AGBL4: variants seen among roughly 807,000 people sequenced by gnomAD.
AGBL4 encodes AGBL carboxypeptidase 4, also known as cytosolic carboxypeptidase 6.
A neutral mutation model predicts 66.4 loss-of-function variants in AGBL4; 58 were observed. The ratio of observed to expected loss-of-function variants is 0.87; its 90% CI spans 0.71 to 1.09. The LOEUF is 1.09. Among genes scored for constraint, AGBL4 ranks in the 50% least tolerant of loss-of-function variants. The probability of loss-of-function intolerance (pLI) is 0.00; values close to 1 mark genes in which losing one functional copy is unlikely to be tolerated. For synonymous variants in AGBL4, 234 were observed against 222.9 expected, an observed-to-expected ratio of 1.05 and a Z score of -0.44; for missense variants, 579 against 631.0, an observed-to-expected ratio of 0.92 and a Z score of 0.88.
intron 6 of AGBL4, among the ~76,000 whole-genome samples, chr1:48,837,163 G>A (rs1377116075): frequency 6.6e-6 from 1 of 151,752 alleles, no homozygotes; most frequent in Non-Finnish European, 1.5e-5. Flanking sequence ...TGAGGAAAGC[G>A]ATTTTCAATA....
At chr1:49,283,102 T>C (rs1427871522) in intron 3 of AGBL4, among the ~76,000 whole-genome samples, 1 of 152,226 alleles carries the variant, frequency 6.6e-6, no homozygotes, top group Non-Finnish European at 1.5e-5. Flanking sequence ...CACTAACCTC[T>C]GCAGACTTAA....
At chr1:49,948,559 AT>A (rs1224358719) in intron 1 of AGBL4, among the ~76,000 whole-genome samples, 2 of 116,784 alleles carry the variant, frequency 1.7e-5, no homozygotes, top group East Asian at 4.3e-4. Flanking sequence ...ATATAAATAT[AT>A]AAAAATATAT....
chr1:49,187,483 C>T (rs985770831), intron 4 of AGBL4: 1 of 152,128 alleles, frequency 6.6e-6, no homozygotes, highest in African/African-American at 2.4e-5. Flanking sequence ...ATTGGCTCCA[C>T]ACTGACAATA....
At chr1:49,257,033 T>C (rs557541965) in intron 3 of AGBL4, among the ~76,000 whole-genome samples, 1 of 151,054 alleles carries the variant, frequency 6.6e-6, no homozygotes, top group Non-Finnish European at 1.5e-5. Flanking sequence ...ACTCAAAGTA[T>C]GTACAGTTTT....
intron 6 of AGBL4, chr1:48,727,389 C>T (rs902244130): frequency 6.6e-6 from 1 of 152,158 alleles, no homozygotes; most frequent in Non-Finnish European, 1.5e-5. Context: ...GCAACCACAT[C>T]TCTTAGGAAT....
At chr1:48,971,145 C>G (rs1014066760) in intron 5 of AGBL4, among the ~76,000 whole-genome samples, 3 of 152,102 alleles carry the variant, frequency 2.0e-5, no homozygotes, top group African/African-American at 7.2e-5. Context: ...GGGCTGTGGC[C>G]TGTAAGGAAC....
chr1:49,851,420 T>C lies in AGBL4; in HGVS notation c.133A>G (p.Ile45Val), dbSNP rs750066466. The change falls in exon 2 of 14, where the codon ATC (isoleucine) becomes GTC (valine). Residue 45 changes from isoleucine (I) to valine (V), a missense_variant. Transcript: ENST00000371839. ...CCACTTTCAAAGCAAGCATCAAAGA[T>C]AAGATGTCCTTTCTTGGGCTGTCCA... ...YCGQPKKGHL[I>V]FDACFESGNL... 1.3e-6 allele frequency: 2 copies of C among 1,549,916 alleles called. No homozygotes were observed. Among genetic ancestry groups the C allele is most frequent in the South Asian group, 2.4e-5 (2 of 83,796 alleles).
intron 3 of AGBL4, among the ~76,000 whole-genome samples, chr1:49,479,530 C>T (rs1389577592): frequency 3.3e-5 from 5 of 151,720 alleles, no homozygotes; most frequent in African/African-American, 1.2e-4. Context: ...TCATTTAGGT[C>T]CCACTTATAA....
chr1:49,626,125 A>T (rs1223197070), intron 3 of AGBL4, among the ~76,000 whole-genome samples: 1 of 152,082 alleles, frequency 6.6e-6, no homozygotes, highest in Non-Finnish European at 1.5e-5. Flanking sequence ...TATTCTTTCT[A>T]TGTAGAATGC....
At chr1:48,760,362 G>A (rs1300300085) in intron 6 of AGBL4, among the ~76,000 whole-genome samples, 1 of 152,206 alleles carries the variant, frequency 6.6e-6, no homozygotes, top group Non-Finnish European at 1.5e-5. Flanking sequence ...GAGATTCCAG[G>A]CAGTTCTAAG....
chr1:49,965,939 A>ATTTTT (rs1166636337), intron 1 of AGBL4, among the ~76,000 whole-genome samples: 1 of 136,528 alleles, frequency 7.3e-6, no homozygotes, highest in Non-Finnish European at 1.6e-5. Flanking sequence ...TATTACAATG[A>ATTTTT]TTTTTTTTTT....
At chr1:49,684,437 T>G (rs1228405495) in intron 3 of AGBL4, among the ~76,000 whole-genome samples, 1 of 152,126 alleles carries the variant, frequency 6.6e-6, no homozygotes, top group Non-Finnish European at 1.5e-5. Flanking sequence ...CAGTCTAAAT[T>G]TGGGTCTTTT....
intron 6 of AGBL4, among the ~76,000 whole-genome samples, chr1:48,859,406 A>G (rs1363551406): frequency 1.3e-5 from 2 of 152,212 alleles, no homozygotes; most frequent in African/African-American, 2.4e-5. Context: ...TGGGCTCTCC[A>G]GTGGGATTAA....
In AGBL4 at chr1:48,534,206, T is replaced by C; in HGVS notation, c.1479A>G (p.Ser493=). ...GGGTTGAAGGGTCTTTGTGGTTCAC[T>C]GAGCTCTTCTTGTCCCCTTTGCTGT... The part of the protein sequence containing the change: ...YPNSKGDKKS[S]VNHKDPSTPF The change falls in exon 14 of 14, where the codon TCA becomes TCG. Residue 493 remains serine, a synonymous_variant. Coordinates refer to ENST00000371839, the MANE Select transcript of AGBL4 (RefSeq NM_032785.4). 6.4e-7 allele frequency: 1 copy of C among 1,551,696 alleles called. No individual in the cohort carries two copies. Among genetic ancestry groups the C allele is most frequent in the Non-Finnish European group, 8.7e-7 (1 of 1,146,952 alleles).
At chr1:49,494,275 A>G (rs1170834335) in intron 3 of AGBL4, among the ~76,000 whole-genome samples, 1 of 150,768 alleles carries the variant, frequency 6.6e-6, no homozygotes, top group Admixed American at 6.6e-5. Flanking sequence ...CTTTGCCTTG[A>G]GTTTTTTTTT....
intron 3 of AGBL4, among the ~76,000 whole-genome samples, chr1:49,483,344 A>G (rs1291325300): frequency 6.6e-6 from 1 of 152,104 alleles, no homozygotes; most frequent in Non-Finnish European, 1.5e-5. Context: ...CAAAAAATAG[A>G]AAATTATTCC....
intron 3 of AGBL4, among the ~76,000 whole-genome samples, chr1:49,563,295 T>C (rs1204478270): frequency 2.6e-5 from 4 of 152,114 alleles, no homozygotes; most frequent in African/African-American, 9.7e-5. Context: ...TTGAATGCTC[T>C]TTATTTCCTT....
Position 49,577,692 on chromosome 1 carries a change from C to T in AGBL4, c.282+119621G>A, listed in dbSNP as rs191193169. On this transcript the variant is annotated intron_variant, in intron 3 of 13. Coordinates refer to ENST00000371839, the MANE Select transcript of AGBL4 (RefSeq NM_032785.4). ...CCTCTGAGCAAGGCGCTCACTTTACCGCTAAAGAAGAGTGGCAGTAGGCTC... is the reference window on the plus strand; with the variant it reads ...CCTCTGAGCAAGGCGCTCACTTTACTGCTAAAGAAGAGTGGCAGTAGGCTC... Among the ~76,000 whole-genome samples the T allele has an allele frequency of 5.3e-3, 811 of 152,292 alleles. 7 individuals are homozygous for T. The highest frequency in any genetic ancestry group is 6.6e-3 in the Non-Finnish European group (449 of 68,016).
intron 6 of AGBL4, among the ~76,000 whole-genome samples, chr1:48,787,894 C>T (rs1184488346): frequency 1.3e-5 from 2 of 152,226 alleles, no homozygotes; most frequent in African/African-American, 2.4e-5. Context: ...GACCCTACCT[C>T]CCACCCTGCT....
Sources: allele counts gnomAD v4.1 joint callset (sites outside exome capture counted in the v4.1 genomes callset), GRCh38; gene constraint gnomAD v4.1.1; transcripts MANE v1.5; gene names NCBI Gene and HGNC (gene_info 2026-07-23, HGNC 2026-07-21).